Variants in PYY observed in about 807,000 individuals in gnomAD.
PYY encodes peptide YY, also known as peptide tyrosine tyrosine.
In PYY, 12 loss-of-function variants were observed where a neutral mutation model predicts 10.3. That is an observed-to-expected ratio of 1.17 (90% CI 0.75 to 1.89). PYY has a LOEUF of 1.89. PYY is among the 40% of genes most tolerant of loss of function. The pLI, the probability that PYY is intolerant of heterozygous loss-of-function variation, is 0.00. For synonymous variants in PYY, 66 were observed against 62.0 expected, an observed-to-expected ratio of 1.06 and a Z score of -0.30; for missense variants, 141 against 134.0, an observed-to-expected ratio of 1.05 and a Z score of -0.26.
At chr17:43,999,066 G>A (rs1297214577) in intron 1 of PYY, among the ~76,000 whole-genome samples, 4 of 152,156 alleles carry the variant, frequency 2.6e-5, no homozygotes, top group Admixed American at 6.6e-5. Flanking sequence ...GAGCTCTGTG[G>A]TTCTCCATCA....
chr17:43,982,569 T>C (rs1468863999), intron 1 of PYY, among the ~76,000 whole-genome samples: 1 of 151,724 alleles, frequency 6.6e-6, no homozygotes, highest in East Asian at 1.9e-4. Context: ...AGGGTTTAGC[T>C]AAGGTTGTGG....
At chr17:43,986,279 A>T (rs2048915463) in intron 1 of PYY, among the ~76,000 whole-genome samples, 1 of 152,094 alleles carries the variant, frequency 6.6e-6, no homozygotes, top group East Asian at 1.9e-4. Context: ...AAAAGAAAAG[A>T]AAAGAGAGAG....
chr17:43,980,156 CTTTTTTTTTTTT>C (rs569138857), intron 1 of PYY, among the ~76,000 whole-genome samples: 1 of 100,618 alleles, frequency 9.9e-6, no homozygotes, highest in Admixed American at 1.3e-4. Flanking sequence ...TCCCCTCCAC[CTTTTTTTTTTTT>C]TTTTTTTTTT....
In PYY at chr17:43,953,494, G is replaced by A; in HGVS notation, c.1-11C>T. On this transcript the variant is annotated splice_polypyrimidine_tract_variant and intron_variant, in intron 1 of 3. Transcript: ENST00000692052. ...GCGCACGAACACCATCTGGGAAGGC[G>A]ACATTGGGACGTGGGTCATTCCAAG... is the stretch of plus-strand genomic sequence containing the variant. The A allele has an allele frequency of 6.3e-7, 1 of 1,578,144 alleles. No individual in the cohort carries two copies. Among genetic ancestry groups the A allele is most frequent in the Non-Finnish European group, 8.6e-7 (1 of 1,160,040 alleles).
At chr17:43,971,260 C>G (rs149032064) in intron 1 of PYY, among the ~76,000 whole-genome samples, 1 of 152,112 alleles carries the variant, frequency 6.6e-6, no homozygotes, top group Non-Finnish European at 1.5e-5. Context: ...GATAGTGCAG[C>G]TCATCATGGT....
intron 1 of PYY, among the ~76,000 whole-genome samples, chr17:43,983,732 C>T (rs909228849): frequency 6.6e-6 from 1 of 152,214 alleles, no homozygotes. Context: ...CACGTCCACT[C>T]TCCTGTAGGC....
intron 1 of PYY, among the ~76,000 whole-genome samples, chr17:43,979,183 A>G (rs937495254): frequency 6.6e-6 from 1 of 152,238 alleles, no homozygotes; most frequent in African/African-American, 2.4e-5. Flanking sequence ...CAGCAGCAGC[A>G]GCAGCATCAC....
At chr17:43,989,133 G>C (rs2048934287) in intron 1 of PYY, among the ~76,000 whole-genome samples, 1 of 151,782 alleles carries the variant, frequency 6.6e-6, no homozygotes, top group African/African-American at 2.4e-5. Flanking sequence ...CCAAGACTTC[G>C]GGAGGCCAAG....
intron 2 of PYY, chr17:43,966,204 C>A (rs1380319033): frequency 6.5e-6 from 1 of 152,900 alleles, no homozygotes; most frequent in African/African-American, 2.4e-5. Flanking sequence ...TTATTTTAGT[C>A]TTCACAACAC....
chr17:43,978,880 G>A (rs1418779803), intron 1 of PYY, among the ~76,000 whole-genome samples: 1 of 152,188 alleles, frequency 6.6e-6, no homozygotes, highest in Non-Finnish European at 1.5e-5. Flanking sequence ...GAAGGGCCAA[G>A]GCATTGGTCG....
Position 43,953,339 on chromosome 17 carries a change from A to G in PYY, c.145T>C (p.Tyr49His). The G allele has an allele frequency of 6.2e-7, 1 of 1,612,770 alleles. No individual in the cohort carries two copies. Among genetic ancestry groups the G allele is most frequent in the Non-Finnish European group, 8.5e-7 (1 of 1,179,544 alleles). ...TTGAGGTAGTGGCGCAGGGAGGCGT[A>G]GTAGCGGTTCAGCTCCTCCGGCGAG... ...DASPEELNRY[Y>H]ASLRHYLNLV... The change falls in exon 2 of 4, where the codon TAC (tyrosine) becomes CAC (histidine). Residue 49 changes from tyrosine to histidine, a missense_variant. By Grantham distance (83) the Tyr-to-His change is moderately conservative. Transcript: ENST00000692052.
At chr17:43,990,031 G>C (rs894031227) in intron 1 of PYY, among the ~76,000 whole-genome samples, 3 of 151,416 alleles carry the variant, frequency 2.0e-5, no homozygotes, top group Non-Finnish European at 4.4e-5. Context: ...TGTTTTACCT[G>C]GTAAGATTTC....
chr17:43,965,816 AAG>A (rs1302185567), intron 2 of PYY, among the ~76,000 whole-genome samples: 2 of 142,618 alleles, frequency 1.4e-5, no homozygotes, highest in Non-Finnish European at 3.1e-5. Context: ...AAAAAAAAAA[AAG>A]AGAGAGAAAC....
At chr17:43,953,982 A>AGGGAGGGGGAGTCCCAGG (rs1276242981), upstream of PYY, 1 of 154,086 alleles carries the variant, frequency 6.5e-6, no homozygotes, top group East Asian at 1.9e-4. Context: ...CCGCCTGGAA[A>AGGGAGGGGGAGTCCCAGG]GGGAGGGGGA....
chr17:44,001,279 G>C (rs1266651066), intron 1 of PYY, among the ~76,000 whole-genome samples: 1 of 152,172 alleles, frequency 6.6e-6, no homozygotes, highest in Non-Finnish European at 1.5e-5. Context: ...GACCCTTCTG[G>C]GTGGAAGTTA....
intron 1 of PYY, among the ~76,000 whole-genome samples, chr17:43,976,588 A>T (rs1022613017): frequency 6.6e-6 from 1 of 152,030 alleles, no homozygotes; most frequent in Admixed American, 6.6e-5. Context: ...CCTGGCCAAC[A>T]TGGTGAAACC....
chr17:43,960,086 C>G (rs1044083765), intron 2 of PYY, among the ~76,000 whole-genome samples: 1 of 152,302 alleles, frequency 6.6e-6, no homozygotes. Context: ...ATGCACCCCC[C>G]CTTAATAGAT....
intron 1 of PYY, among the ~76,000 whole-genome samples, chr17:43,968,792 G>T (rs907842710): frequency 3.4e-5 from 5 of 146,970 alleles, no homozygotes; most frequent in Admixed American, 6.8e-5. Flanking sequence ...AGCCTGGGCA[G>T]CAGAGTGTGA....
chr17:43,988,683 T>C lies in PYY; in HGVS notation c.-463+15708A>G, dbSNP rs532251500. 3.9e-5 allele frequency among the ~76,000 whole-genome samples: 6 copies of C among 152,288 alleles called. No individual in the cohort carries two copies. In the East Asian group the frequency reaches 1.2e-3, roughly 29 times the overall value. ...GCACACAGAGATATTTAACACAAAG[T>C]AGAACTCAATAACATCTTTTTTTCT... is the stretch of plus-strand genomic sequence containing the variant. On this transcript the variant is annotated intron_variant, in intron 1 of 6. Coordinates refer to the PYY transcript ENST00000360085.
Sources: allele counts gnomAD v4.1 joint callset (sites outside exome capture counted in the v4.1 genomes callset), GRCh38; gene constraint gnomAD v4.1.1; transcripts MANE v1.5; gene names NCBI Gene and HGNC (gene_info 2026-07-23, HGNC 2026-07-21).